SRGAP1: variants seen among roughly 807,000 people sequenced by gnomAD.
SRGAP1 encodes SLIT-ROBO Rho GTPase-activating protein 1.
Under a neutral mutation model 121.9 loss-of-function variants are expected in SRGAP1, and 43 were observed. The ratio of observed to expected loss-of-function variants is 0.35; its 90% CI spans 0.28 to 0.46. The LOEUF (loss-of-function observed/expected upper bound fraction) is 0.46. Among genes scored for constraint, SRGAP1 ranks in the 20% least tolerant of loss-of-function variants. The pLI is 1.00. For synonymous variants in SRGAP1, 447 were observed against 485.4 expected, an observed-to-expected ratio of 0.92 and a Z score of 1.04; for missense variants, 1,102 against 1,350.9, an observed-to-expected ratio of 0.82 and a Z score of 2.89.
In SRGAP1 at chr12:64,097,221, AG is replaced by A; in HGVS notation, c.1679-19del. 3.7e-6 allele frequency: 5 copies of A among 1,349,980 alleles called. No homozygotes were observed. Among genetic ancestry groups the A allele is most frequent in the Middle Eastern group, 1.9e-4 (1 of 5,384 alleles). The allele number at this position is 1,349,980 out of a possible 1,614,324, so 83.6% of individuals were successfully genotyped here. On this transcript the variant is annotated intron_variant, in intron 14 of 21. Coordinates refer to ENST00000355086, the MANE Select transcript of SRGAP1 (RefSeq NM_020762.4). Reference sequence around the variant, plus strand: ...AAAAAGAAGCACTGTTAATGTAATGAGTTTTTTTTTTTTTTTTAGGTGAAAA... The same window carrying A: ...AAAAAGAAGCACTGTTAATGTAATGATTTTTTTTTTTTTTTTAGGTGAAAA...
intron 21 of SRGAP1, among the ~76,000 whole-genome samples, chr12:64,130,448 C>T (rs2036767772): frequency 6.6e-6 from 1 of 152,096 alleles, no homozygotes; most frequent in Admixed American, 6.5e-5. Flanking sequence ...ATGAATGGTG[C>T]CACTTCCACT....
chr12:63,959,169 C>G (rs2032561396), intron 1 of SRGAP1, among the ~76,000 whole-genome samples: 1 of 152,140 alleles, frequency 6.6e-6, no homozygotes, highest in Non-Finnish European at 1.5e-5. Context: ...ACCATCTACC[C>G]TAATCGTCTG....
intron 18 of SRGAP1, among the ~76,000 whole-genome samples, chr12:64,121,299 C>T (rs1342701971): frequency 3.3e-5 from 5 of 152,200 alleles, no homozygotes; most frequent in Non-Finnish European, 5.9e-5. Context: ...GAGCCACCCA[C>T]GCCCCGCCTT....
chr12:64,024,713 C>T (rs2034616904), intron 4 of SRGAP1, among the ~76,000 whole-genome samples: 1 of 152,152 alleles, frequency 6.6e-6, no homozygotes, highest in Non-Finnish European at 1.5e-5. Flanking sequence ...GTTTAATTGA[C>T]TCAGCTCCCC....
chr12:63,937,119 T>C (rs1015385353), intron 1 of SRGAP1, among the ~76,000 whole-genome samples: 1 of 152,134 alleles, frequency 6.6e-6, no homozygotes, highest in Non-Finnish European at 1.5e-5. Flanking sequence ...GTGCTCAGCA[T>C]TTGGCACATG....
intron 15 of SRGAP1, among the ~76,000 whole-genome samples, chr12:64,103,603 A>G (rs74099279): frequency 0.047 from 7,088 of 152,246 alleles, 311 homozygotes; most frequent in South Asian, 0.12. Context: ...CATACATGGT[A>G]GTTTTCTCTC....
chr12:63,959,864 C>T (rs1177911020), intron 1 of SRGAP1, among the ~76,000 whole-genome samples: 4 of 152,178 alleles, frequency 2.6e-5, no homozygotes, highest in East Asian at 1.9e-4. Context: ...AGTGTTGGAA[C>T]CCAGGTGTGT....
rs1044776267 is a variant in SRGAP1 at position 64,155,607 on chromosome 12, A to ATGTT, written c.*12946_*12949dup. 2 of 151,660 alleles carry ATGTT rather than the reference A, an allele frequency of 1.3e-5. No homozygotes were observed. The highest frequency in any genetic ancestry group is 4.8e-5 in the African/African-American group (2 of 41,320). The allele number at this position is 151,660 out of a possible 1,614,324, so 9.4% of individuals were successfully genotyped here. ...AGTTCAGGCTTGTTAAATATTTTTTATGTTTGTTTGTTTGCTTTGTTTTTT... is the reference window on the plus strand; with the variant it reads ...AGTTCAGGCTTGTTAAATATTTTTTATGTTTGTTTGTTTGTTTGCTTTGTTTTTT... On this transcript the variant is annotated 3_prime_UTR_variant, in exon 22 of 22. Coordinates refer to ENST00000355086, the MANE Select transcript of SRGAP1 (RefSeq NM_020762.4).
chr12:63,936,743 A>G (rs1258146819), intron 1 of SRGAP1, among the ~76,000 whole-genome samples: 2 of 152,150 alleles, frequency 1.3e-5, no homozygotes, highest in African/African-American at 2.4e-5. Flanking sequence ...ATTGGGCCCA[A>G]AGTTCTCTCA....
intron 15 of SRGAP1, among the ~76,000 whole-genome samples, chr12:64,107,161 T>C (rs1288225800): frequency 6.6e-6 from 1 of 152,188 alleles, no homozygotes; most frequent in Non-Finnish European, 1.5e-5. Context: ...ATATTCCTAA[T>C]AGATTTTTCG....
intron 21 of SRGAP1, among the ~76,000 whole-genome samples, chr12:64,131,120 G>T (rs114939888): frequency 0.032 from 4,934 of 152,284 alleles, 288 homozygotes; most frequent in African/African-American, 0.11. Context: ...CATTGAGCAA[G>T]AACAGGGGTG....
At chr12:64,101,144 T>C (rs944932116) in intron 15 of SRGAP1, among the ~76,000 whole-genome samples, 7 of 152,240 alleles carry the variant, frequency 4.6e-5, no homozygotes, top group African/African-American at 9.6e-5. Context: ...TGTCATCTTG[T>C]AGCATTGCTG....
In SRGAP1 at chr12:64,115,836, G is replaced by A. The variant is rs745328019; in HGVS notation, c.2167G>A (p.Gly723Ser). The A allele has an allele frequency of 8.1e-5, 131 of 1,613,452 alleles. No homozygotes were observed. The highest frequency in any genetic ancestry group is 1.1e-4 in the Non-Finnish European group (127 of 1,179,728). The change falls in exon 18 of 22, where the codon GGT becomes AGT. Residue 723 changes from glycine to serine, a missense_variant. Transcript: ENST00000355086. ...DYCDSPYSEH[G>S]TLEEVDQDAG... ...CAGCGACAGCCCATACAGTGAGCAC[G>A]GTACATTGGAGGAAGTGGACCAAGA...
chr12:64,032,581 A>T lies in SRGAP1; in HGVS notation c.490-10209A>T, dbSNP rs1027275236. Reference sequence around the variant, plus strand: ...CAGAGCCACGGACCTAGCTCTGCACATAAGTCCTGCCCCCGACAGCTGACA... The same window carrying T: ...CAGAGCCACGGACCTAGCTCTGCACTTAAGTCCTGCCCCCGACAGCTGACA... On this transcript the variant is annotated intron_variant, in intron 4 of 21. Transcript: ENST00000355086. 4 of 765,976 alleles carry T rather than the reference A, an allele frequency of 5.2e-6. No homozygotes were observed. In the African/African-American group the frequency reaches 5.3e-5, roughly 10 times the overall value. 47.4% of individuals were successfully genotyped at this position (765,976 alleles called of 1,614,324 possible).
chr12:63,970,938 A>T (rs1358620670), intron 1 of SRGAP1, among the ~76,000 whole-genome samples: 1 of 152,208 alleles, frequency 6.6e-6, no homozygotes, highest in East Asian at 1.9e-4. Context: ...CTGAATCAAG[A>T]TAGCATCCTA....
intron 1 of SRGAP1, among the ~76,000 whole-genome samples, chr12:63,870,386 T>A (rs748187451): frequency 4.6e-5 from 7 of 152,076 alleles, no homozygotes; most frequent in Non-Finnish European, 8.8e-5. Flanking sequence ...GGAGAAATAT[T>A]TTTTAAAATC....
rs1294870522 is a variant in SRGAP1, at chr12:64,161,214, A to C, written c.*18542A>C. The C allele has an allele frequency of 6.6e-6, 1 of 152,206 alleles. No individual in the cohort carries two copies. The highest frequency in any genetic ancestry group is 1.9e-4 in the East Asian group (1 of 5,196). The allele number at this position is 152,206 out of a possible 1,614,324, so 9.4% of individuals were successfully genotyped here. A position where few individuals can be genotyped will look rare whatever the true frequency, so the allele number is the denominator to read the frequency against. ...TTCCACAGAAATGCTTTCAAACTCAATGCATTAAAAACATGCTATAGTTTA... is the reference window on the plus strand; with the variant it reads ...TTCCACAGAAATGCTTTCAAACTCACTGCATTAAAAACATGCTATAGTTTA... On this transcript the variant is annotated 3_prime_UTR_variant, in exon 22 of 22. Coordinates refer to ENST00000355086, the MANE Select transcript of SRGAP1 (RefSeq NM_020762.4).
At chr12:63,963,747 A>G (rs1023220907) in intron 1 of SRGAP1, among the ~76,000 whole-genome samples, 4 of 151,710 alleles carry the variant, frequency 2.6e-5, no homozygotes, top group Non-Finnish European at 4.4e-5. Flanking sequence ...CTTCTGGGAG[A>G]GCAACTTTTT....
intron 6 of SRGAP1, 117 bp downstream of exon 6, chr12:64,043,692 A>C: frequency 2.7e-6 from 2 of 743,118 alleles, no homozygotes; most frequent in South Asian, 5.0e-5. Flanking sequence ...AATACTCAAA[A>C]AGAAAAAAAT....
Sources: allele counts gnomAD v4.1 joint callset (sites outside exome capture counted in the v4.1 genomes callset), GRCh38; gene constraint gnomAD v4.1.1; transcripts MANE v1.5; gene names NCBI Gene and HGNC (gene_info 2026-07-23, HGNC 2026-07-21).